VDR: variants seen among roughly 807,000 people sequenced by gnomAD.
VDR encodes the protein vitamin D receptor, also known as vitamin D3 receptor.
In VDR, 19 loss-of-function variants were observed where a neutral mutation model predicts 39.7. The observed-to-expected ratio is 0.48, with a 90% CI of 0.33 to 0.70. The LOEUF is 0.70. Among genes scored for constraint, VDR ranks in the 30% least tolerant of loss-of-function variants. VDR has a pLI of 0.02. For synonymous variants in VDR, 242 were observed against 215.8 expected (o/e 1.12, Z -1.07); for missense variants, 442 against 570.5 (o/e 0.77, Z 2.29).
At chr12:47,872,189 C>G (rs1051494650) in intron 3 of VDR, among the ~76,000 whole-genome samples, 5 of 152,184 alleles carry the variant, frequency 3.3e-5, no homozygotes, top group African/African-American at 1.2e-4. Flanking sequence ...GAGTTTAAAT[C>G]TTAAAGCACA....
intron 4 of VDR, among the ~76,000 whole-genome samples, chr12:47,862,070 A>G (rs371803381): frequency 3.3e-5 from 5 of 152,350 alleles, no homozygotes; most frequent in East Asian, 1.9e-4. Context: ...CAGGTACTTT[A>G]CTAACACCAG....
chr12:47,893,998 A>T (rs142210902), intron 1 of VDR, among the ~76,000 whole-genome samples: 1 of 152,352 alleles, frequency 6.6e-6, no homozygotes, highest in African/African-American at 2.4e-5. Context: ...CCAGGGCCAC[A>T]AAGTGGTAGG....
chr12:47,879,931 G>C (rs2254210), intron 2 of VDR, among the ~76,000 whole-genome samples: 4 of 152,058 alleles, frequency 2.6e-5, no homozygotes, highest in African/African-American at 9.6e-5. Context: ...CAGACGGAAC[G>C]AAAGCCCACA....
chr12:47,864,993 C>T lies in VDR; in HGVS notation c.277+54G>A. On this transcript the variant is annotated intron_variant, in intron 4 of 9. Coordinates refer to ENST00000549336, the MANE Select transcript of VDR (RefSeq NM_000376.3). Reference sequence around the variant, plus strand: ...CAAACTTGCAGGAGAGTGGCCAAGGCCTTTCCCTGACTCCACTTCAGGCCC... The same window carrying T: ...CAAACTTGCAGGAGAGTGGCCAAGGTCTTTCCCTGACTCCACTTCAGGCCC... The T allele has an allele frequency of 5.6e-6, 9 of 1,608,540 alleles. No individual in the cohort carries two copies. The South Asian group carries it at 9.9e-5, about 18-fold the overall frequency.
At chr12:47,869,535 CAAAAA>C (rs33940574) in intron 3 of VDR, among the ~76,000 whole-genome samples, 2 of 68,970 alleles carry the variant, frequency 2.9e-5, no homozygotes, top group Non-Finnish European at 5.1e-5. Context: ...GACTCCATCT[CAAAAA>C]AAAAAAAAAA....
intron 3 of VDR, among the ~76,000 whole-genome samples, chr12:47,871,466 CTTTTT>C (rs11332250): frequency 8.7e-6 from 1 of 114,490 alleles, no homozygotes; most frequent in East Asian, 2.4e-4. Context: ...CTCTTTCTTT[CTTTTT>C]TTTTTTTTTC....
intron 4 of VDR, among the ~76,000 whole-genome samples, chr12:47,863,463 C>T (rs940788714): frequency 2.8e-4 from 42 of 152,186 alleles, no homozygotes; most frequent in African/African-American, 9.9e-4. Context: ...CTTTAGAAAC[C>T]GGACTCCCTG....
chr12:47,872,988 A>G (rs891171973), intron 3 of VDR, among the ~76,000 whole-genome samples: 1 of 152,220 alleles, frequency 6.6e-6, no homozygotes, highest in Non-Finnish European at 1.5e-5. Flanking sequence ...ACAGCTAGCA[A>G]GTCTGAAAGC....
chr12:47,876,292 T>C (rs1433538055), intron 3 of VDR, among the ~76,000 whole-genome samples: 1 of 152,232 alleles, frequency 6.6e-6, no homozygotes, highest in African/African-American at 2.4e-5. Context: ...ACCTTGCAGC[T>C]GTCTTTCTTG....
chr12:47,851,870 T>C (rs1182082081), intron 7 of VDR, among the ~76,000 whole-genome samples: 2 of 152,206 alleles, frequency 1.3e-5, no homozygotes, highest in African/African-American at 2.4e-5. Context: ...TTTGCATCAA[T>C]GGCTGGGCAG....
chr12:47,878,817 A>G lies in VDR; in HGVS notation c.146+151T>C, dbSNP rs1298815315. On this transcript the variant is annotated intron_variant, in intron 3 of 9. Transcript: ENST00000549336. The stretch of plus-strand genomic sequence containing the variant: ...GAGGGAAAAGAAGATACCACTCACC[A>G]AGACCCTCCTGCTCCTGTGGCTGTG... The G allele has an allele frequency of 2.2e-5, 27 of 1,254,722 alleles. No homozygotes were observed. The Admixed American group carries it at 3.9e-4, about 18-fold the overall frequency. 77.7% of individuals were successfully genotyped at this position (1,254,722 alleles called of 1,614,324 possible).
intron 5 of VDR, 109 bp downstream of exon 5, chr12:47,857,395 C>G: frequency 6.2e-7 from 1 of 1,601,318 alleles, no homozygotes; most frequent in Non-Finnish European, 8.5e-7. Flanking sequence ...TCCGTCCCTA[C>G]CCCAGTTCTG....
chr12:47,863,195 G>A (rs1945660011), intron 4 of VDR, among the ~76,000 whole-genome samples: 1 of 152,204 alleles, frequency 6.6e-6, no homozygotes, highest in Admixed American at 6.5e-5. Context: ...GGGACCAGGA[G>A]GCAGGTAGGA....
chr12:47,866,140 C>T (rs1016414024), intron 3 of VDR, among the ~76,000 whole-genome samples: 2 of 151,528 alleles, frequency 1.3e-5, no homozygotes, highest in African/African-American at 4.9e-5. Context: ...TGGAGTCTCG[C>T]TCTGTCGCCC....
intron 1 of VDR, chr12:47,898,858 A>T (rs933073171): frequency 6.5e-6 from 1 of 154,888 alleles, no homozygotes; most frequent in Admixed American, 6.5e-5. Context: ...ACTTACAAAG[A>T]AAAGCAAGGA....
chr12:47,871,290 T>TTCTCTTTCTC (rs1555153478), intron 3 of VDR, among the ~76,000 whole-genome samples: 1 of 80,688 alleles, frequency 1.2e-5, no homozygotes, highest in African/African-American at 3.6e-5. Flanking sequence ...TTCTTTCTCT[T>TTCTCTTTCTC]TCTCTTTCTT....
At chr12:47,859,844 T>C (rs546754256) in intron 4 of VDR, among the ~76,000 whole-genome samples, 31 of 73,656 alleles carry the variant, frequency 4.2e-4, no homozygotes, top group Middle Eastern at 0.012. Context: ...TCCTTTCCCT[T>C]CCTTCCTTCC....
intron 4 of VDR, among the ~76,000 whole-genome samples, chr12:47,862,361 G>A (rs563840306): frequency 6.6e-6 from 1 of 152,340 alleles, no homozygotes; most frequent in South Asian, 2.1e-4. Context: ...CTCGGGTGTG[G>A]CCCACAAGCC....
intron 3 of VDR, among the ~76,000 whole-genome samples, chr12:47,877,166 G>T (rs575264328): frequency 6.6e-6 from 1 of 152,106 alleles, no homozygotes; most frequent in African/African-American, 2.4e-5. Flanking sequence ...TGGAAGGATC[G>T]CTTGAGCCCA....
Sources: allele counts gnomAD v4.1 joint callset (sites outside exome capture counted in the v4.1 genomes callset), GRCh38; gene constraint gnomAD v4.1.1; transcripts MANE v1.5; gene names NCBI Gene and HGNC (gene_info 2026-07-23, HGNC 2026-07-21).